Variants in SPMIP6 observed in about 807,000 individuals in gnomAD.
SPMIP6 encodes the protein sperm microtubule inner protein 6.
the SPMIP6 span, chr9:34,379,623 G>T: frequency 6.2e-7 from 1 of 1,605,470 alleles, no homozygotes; most frequent in Non-Finnish European, 8.5e-7. The surrounding 1 kb of genome is among the most constrained non-coding windows in gnomAD (Gnocchi z 4.2). Context: ...GTGTGCAAAT[G>T]AGTGTGTGCG....
the SPMIP6 span, chr9:34,381,833 G>A: frequency 1.1e-6 from 1 of 951,708 alleles, no homozygotes; most frequent in Non-Finnish European, 1.3e-6. The surrounding 1 kb of genome is among the most constrained non-coding windows in gnomAD (Gnocchi z 4.4). Flanking sequence ...TCTTGAGGAA[G>A]TTCTAATTCA....
At chr9:34,379,885 G>A in the SPMIP6 span, 36 of 601,476 alleles carry the variant, frequency 6.0e-5, no homozygotes, top group Non-Finnish European at 9.8e-5. The surrounding 1 kb of genome is among the most constrained non-coding windows in gnomAD (Gnocchi z 4.2). Flanking sequence ...AACCCCCACT[G>A]CAGCACCGAT....
At chr9:34,381,428 G>C in the SPMIP6 span, 1 of 1,614,048 alleles carries the variant, frequency 6.2e-7, no homozygotes, top group Non-Finnish European at 8.5e-7. The surrounding 1 kb of genome is among the most constrained non-coding windows in gnomAD (Gnocchi z 4.4). Context: ...TCGAACTGCT[G>C]TCTCCATCCT....
the SPMIP6 span, chr9:34,381,397 A>G: frequency 5.6e-6 from 9 of 1,613,830 alleles, no homozygotes; most frequent in Middle Eastern, 1.6e-4. This position sits in a 1 kb window ranked among gnomAD's most constrained non-coding sequence, Gnocchi z 4.4. Context: ...CCGGCCTAGG[A>G]GGGCATTCCA....
At chr9:34,382,598 A>G in the SPMIP6 span, 1 of 621,166 alleles carries the variant, frequency 1.6e-6, no homozygotes, top group South Asian at 2.0e-5. Context: ...AAAAAAAAAA[A>G]TACAAACTCT....
the SPMIP6 span, among the ~76,000 whole-genome samples, chr9:34,388,756 G>GT: frequency 6.6e-6 from 1 of 152,072 alleles, no homozygotes; most frequent in Non-Finnish European, 1.5e-5. Context: ...TTTTAGAGGG[G>GT]TTTTAGGAGG....
At chr9:34,397,661 G>C in the SPMIP6 span, 2 of 1,557,564 alleles carry the variant, frequency 1.3e-6, no homozygotes, top group Admixed American at 3.7e-5. Context: ...GCCGTGGTGG[G>C]CTCTACCTGT....
At chr9:34,392,368 A>G in the SPMIP6 span, among the ~76,000 whole-genome samples, 1 of 152,124 alleles carries the variant, frequency 6.6e-6, no homozygotes, top group Non-Finnish European at 1.5e-5. This position sits in a 1 kb window ranked among gnomAD's most constrained non-coding sequence, Gnocchi z 4.6. Context: ...TATCAGGCCA[A>G]TACAAGTTTG....
the SPMIP6 span, among the ~76,000 whole-genome samples, chr9:34,392,903 C>T: frequency 6.6e-6 from 1 of 152,320 alleles, no homozygotes; most frequent in South Asian, 2.1e-4. This position sits in a 1 kb window ranked among gnomAD's most constrained non-coding sequence, Gnocchi z 4.6. Flanking sequence ...CCAGTGGGAG[C>T]TAGAGGGGTT....
the SPMIP6 span, chr9:34,397,760 C>T: frequency 2.1e-6 from 2 of 940,206 alleles, no homozygotes; most frequent in South Asian, 1.6e-5. Context: ...GCTATAATCC[C>T]CTCCTGCAGA....
At chr9:34,380,714 C>T in the SPMIP6 span, 3 of 1,548,438 alleles carry the variant, frequency 1.9e-6, no homozygotes, top group Admixed American at 2.0e-5. Flanking sequence ...TCTCCCGCCT[C>T]AGTTGTTAGT....
At chr9:34,394,831 AC>A in the SPMIP6 span, among the ~76,000 whole-genome samples, 1 of 152,158 alleles carries the variant, frequency 6.6e-6, no homozygotes, top group Admixed American at 6.5e-5. Context: ...AACTATACTT[AC>A]CACTCATCTC....
At chr9:34,385,114 G>T in the SPMIP6 span, among the ~76,000 whole-genome samples, 4 of 151,864 alleles carry the variant, frequency 2.6e-5, no homozygotes, top group South Asian at 4.2e-4. Flanking sequence ...TTTTTCCACC[G>T]ACAAGAACCC....
chr9:34,393,676 A>G, the SPMIP6 span, among the ~76,000 whole-genome samples: 190 of 152,052 alleles, frequency 1.2e-3, no homozygotes, highest in African/African-American at 4.3e-3. Flanking sequence ...ACTGTTCTTT[A>G]TGCTCTTTCC....
At chr9:34,380,926 C>A in the SPMIP6 span, 1 of 1,596,374 alleles carries the variant, frequency 6.3e-7, no homozygotes, top group South Asian at 1.1e-5. Flanking sequence ...GGCACCAAGG[C>A]CGCAGGCGGC....
chr9:34,383,015 G>A, the SPMIP6 span: 3 of 648,140 alleles, frequency 4.6e-6, no homozygotes, highest in East Asian at 2.7e-5. Context: ...AAGCCCAGCC[G>A]GGCCTACACT....
At chr9:34,397,676 G>C in the SPMIP6 span, 2 of 1,535,748 alleles carry the variant, frequency 1.3e-6, no homozygotes, top group South Asian at 1.3e-5. Context: ...ACCTGTCAAG[G>C]GCTCCTGCTG....
the SPMIP6 span, chr9:34,382,917 C>T: frequency 2.5e-6 from 3 of 1,195,816 alleles, no homozygotes; most frequent in South Asian, 3.6e-5. Context: ...TCTTACTCTA[C>T]TCCAGGATCT....
chr9:34,381,828 AG>A, the SPMIP6 span: 2 of 957,530 alleles, frequency 2.1e-6, no homozygotes, highest in Non-Finnish European at 1.2e-6. This position sits in a 1 kb window ranked among gnomAD's most constrained non-coding sequence, Gnocchi z 4.4. Context: ...TCGATTCTTG[AG>A]GAAGTTCTAA....
Sources: allele counts gnomAD v4.1 joint callset (sites outside exome capture counted in the v4.1 genomes callset), GRCh38; gene constraint gnomAD v4.1.1; non-coding constraint Gnocchi (gnomAD v3.1); transcripts MANE v1.5; gene names NCBI Gene and HGNC (gene_info 2026-07-23, HGNC 2026-07-21).